XXYLT1: variants seen among roughly 807,000 people sequenced by gnomAD.
XXYLT1 encodes the protein UDP-xylose:alpha-xyloside alpha-1,3-xylosyltransferase.
In XXYLT1, 20 loss-of-function variants were observed where a neutral mutation model predicts 28.9. The observed-to-expected ratio is 0.69, with a 90% CI of 0.49 to 1.00. XXYLT1 has a LOEUF of 1.00. XXYLT1 is among the 50% of genes least tolerant of loss of function. XXYLT1 has a pLI of 0.00. For missense variants in XXYLT1, 542 were observed against 560.1 expected, an observed-to-expected ratio of 0.97 and a Z score of 0.33; for synonymous variants, 257 against 253.8, an observed-to-expected ratio of 1.01 and a Z score of -0.12.
Position 195,141,825 on chromosome 3 carries a change from G to A in XXYLT1, c.785+14624C>T, listed in dbSNP as rs115039933. Among the ~76,000 whole-genome samples the A allele has an allele frequency of 7.2e-3, 1,095 of 152,312 alleles. 9 individuals carry two copies. The highest frequency in any genetic ancestry group is 0.025 in the African/African-American group (1,044 of 41,566). Reference sequence around the variant, plus strand: ...AGTTAGACTTTACTTCCCACAGAGGGCTGCTTCCCGCCTAATTGAGCGACT... The same window carrying A: ...AGTTAGACTTTACTTCCCACAGAGGACTGCTTCCCGCCTAATTGAGCGACT... On this transcript the variant is annotated intron_variant, in intron 3 of 3. Coordinates refer to ENST00000310380, the MANE Select transcript of XXYLT1 (RefSeq NM_152531.5).
chr3:195,104,163 A>G (rs1430254323), intron 3 of XXYLT1, among the ~76,000 whole-genome samples: 2 of 151,092 alleles, frequency 1.3e-5, no homozygotes, highest in African/African-American at 4.9e-5. Context: ...GGGAGCACAC[A>G]CCCACTGTGA....
At chr3:195,205,583 C>T (rs1723036668) in intron 2 of XXYLT1, among the ~76,000 whole-genome samples, 1 of 152,180 alleles carries the variant, frequency 6.6e-6, no homozygotes, top group African/African-American at 2.4e-5. Context: ...ACTATCCTGG[C>T]CGGGCACGGT....
intron 3 of XXYLT1, among the ~76,000 whole-genome samples, chr3:195,140,551 G>A (rs535305191): frequency 6.6e-6 from 1 of 152,318 alleles, no homozygotes; most frequent in Non-Finnish European, 1.5e-5. Context: ...TGTACAGGAA[G>A]CATGGCCAGG....
At chr3:195,090,894 A>G (rs1716093717) in intron 3 of XXYLT1, among the ~76,000 whole-genome samples, 1 of 151,702 alleles carries the variant, frequency 6.6e-6, no homozygotes, top group Admixed American at 6.6e-5. Context: ...GAATACTACA[A>G]ACACCTCTAC....
intron 2 of XXYLT1, among the ~76,000 whole-genome samples, chr3:195,197,188 G>C (rs980670141): frequency 6.6e-6 from 1 of 152,236 alleles, no homozygotes. Flanking sequence ...TGTAATCCCA[G>C]CACTTTGGGA....
At chr3:195,181,152 G>A (rs1223123909) in intron 2 of XXYLT1, among the ~76,000 whole-genome samples, 1 of 152,216 alleles carries the variant, frequency 6.6e-6, no homozygotes, top group Non-Finnish European at 1.5e-5. Flanking sequence ...AGAACACTGT[G>A]CTTCTCCTGA....
rs564493888 is a variant in XXYLT1, at chr3:195,113,575, G to A, written c.785+42874C>T. ...CAGGCAGTGTGAACCCAGCACTCACGGTCTTTTTTGTTAGAATCCTTTTTC... is the reference window on the plus strand; with the variant it reads ...CAGGCAGTGTGAACCCAGCACTCACAGTCTTTTTTGTTAGAATCCTTTTTC... On this transcript the variant is annotated intron_variant, in intron 3 of 3. Coordinates refer to ENST00000310380, the MANE Select transcript of XXYLT1 (RefSeq NM_152531.5). Among the ~76,000 whole-genome samples, 66 of 152,254 alleles carry A rather than the reference G, an allele frequency of 4.3e-4. No homozygotes were observed. The South Asian group carries it at 0.013, about 30-fold the overall frequency.
chr3:195,149,396 T>C (rs1446248487), intron 3 of XXYLT1, among the ~76,000 whole-genome samples: 2 of 152,150 alleles, frequency 1.3e-5, no homozygotes, highest in Non-Finnish European at 1.5e-5. Context: ...AACATCTCCA[T>C]GGGCCAGGAA....
At chr3:195,265,203 C>G (rs1217067244) in intron 1 of XXYLT1, among the ~76,000 whole-genome samples, 1 of 152,022 alleles carries the variant, frequency 6.6e-6, no homozygotes, top group Non-Finnish European at 1.5e-5. Context: ...AACGCCATCT[C>G]TGCTAAAAAT....
rs1441015480 is a variant in XXYLT1, at chr3:195,210,694, G to A, written c.652+16015C>T. Among the ~76,000 whole-genome samples the A allele has an allele frequency of 6.6e-6, 1 of 152,204 alleles. No individual in the cohort carries two copies. The highest frequency in any genetic ancestry group is 2.4e-5 in the African/African-American group (1 of 41,452). On this transcript the variant is annotated intron_variant, in intron 2 of 3. Coordinates refer to ENST00000310380, the MANE Select transcript of XXYLT1 (RefSeq NM_152531.5). The surrounding 1 kb of genome is among the most constrained non-coding windows in gnomAD (Gnocchi z 4.8). Reference sequence around the variant, plus strand: ...TAGCATTTTATGACAAATTTGCTCAGCTGTCCCTCTTCAGAATAAGAGAAC... The same window carrying A: ...TAGCATTTTATGACAAATTTGCTCAACTGTCCCTCTTCAGAATAAGAGAAC...
chr3:195,197,351 C>T (rs1279069451), intron 2 of XXYLT1, among the ~76,000 whole-genome samples: 1 of 151,456 alleles, frequency 6.6e-6, no homozygotes, highest in Non-Finnish European at 1.5e-5. Flanking sequence ...GCACAAGAGT[C>T]ACTTGAACCT....
At position 195,069,041 on chromosome 3, in the gene XXYLT1, G is replaced by A. The variant is rs1318820776; in HGVS notation, c.*674C>T. The A allele has an allele frequency of 1.3e-5, 2 of 152,220 alleles. No homozygotes were observed. The highest frequency in any genetic ancestry group is 2.4e-5 in the African/African-American group (1 of 41,444). The allele number at this position is 152,220 out of a possible 1,614,324, so 9.4% of individuals were successfully genotyped here. On this transcript the variant is annotated 3_prime_UTR_variant, in exon 4 of 4. Coordinates refer to ENST00000310380, the MANE Select transcript of XXYLT1 (RefSeq NM_152531.5). ...AAGGACAATGGGGTTCTAGGATGTA[G>A]CTGGGAGATACAAGCTGTGAGTACT...
At chr3:195,166,017 GA>G (rs1216786238) in intron 2 of XXYLT1, among the ~76,000 whole-genome samples, 4 of 151,924 alleles carry the variant, frequency 2.6e-5, no homozygotes, top group African/African-American at 9.7e-5. Flanking sequence ...CTCCTGTTAT[GA>G]GTCTGATAAG....
intron 3 of XXYLT1, among the ~76,000 whole-genome samples, chr3:195,119,500 C>T (rs1488773139): frequency 6.6e-6 from 1 of 152,010 alleles, no homozygotes; most frequent in East Asian, 1.9e-4. Flanking sequence ...AGCCACTTTT[C>T]CCAACAAGAA....
intron 3 of XXYLT1, among the ~76,000 whole-genome samples, chr3:195,106,642 CCGCAGAGCGGGAGGGG>C (rs1717110416): frequency 6.6e-6 from 1 of 152,232 alleles, no homozygotes; most frequent in African/African-American, 2.4e-5. Context: ...GCAGGGAGGG[CCGCAGAGCGGGAGGGG>C]CCTGGGGCGC....
rs2108721369 is a variant in XXYLT1 at position 195,173,559 on chromosome 3, A to T, written c.653-16978T>A. 6.6e-6 allele frequency among the ~76,000 whole-genome samples: 1 copy of T among 152,334 alleles called. No individual in the cohort carries two copies. Among genetic ancestry groups the T allele is most frequent in the South Asian group, 2.1e-4 (1 of 4,828 alleles). On this transcript the variant is annotated intron_variant, in intron 2 of 3. Transcript: ENST00000310380. The surrounding 1 kb of genome is among the most constrained non-coding windows in gnomAD (Gnocchi z 4.3). ...TCGTATGCTCCTAATGACTAAAAGCATCATTTTAAAGACCTTTCATTTTCC... is the reference window on the plus strand; with the variant it reads ...TCGTATGCTCCTAATGACTAAAAGCTTCATTTTAAAGACCTTTCATTTTCC...
intron 2 of XXYLT1, among the ~76,000 whole-genome samples, chr3:195,211,460 A>G (rs995050777): frequency 1.3e-5 from 2 of 152,220 alleles, no homozygotes; most frequent in Non-Finnish European, 2.9e-5. Flanking sequence ...AAAATAAAGT[A>G]GTTCAAGATA....
chr3:195,230,885 A>G (rs780743902), intron 1 of XXYLT1, among the ~76,000 whole-genome samples: 3 of 152,116 alleles, frequency 2.0e-5, no homozygotes, highest in Non-Finnish European at 4.4e-5. Flanking sequence ...TTCCATATAA[A>G]TTTTAGGATT....
intron 2 of XXYLT1, among the ~76,000 whole-genome samples, chr3:195,177,054 G>T (rs975111680): frequency 6.6e-6 from 1 of 152,238 alleles, no homozygotes; most frequent in African/African-American, 2.4e-5. Context: ...CAGGGAAAGG[G>T]AAGGGTGCTA....
Sources: allele counts gnomAD v4.1 joint callset (sites outside exome capture counted in the v4.1 genomes callset), GRCh38; gene constraint gnomAD v4.1.1; non-coding constraint Gnocchi (gnomAD v3.1); transcripts MANE v1.5; gene names NCBI Gene and HGNC (gene_info 2026-07-23, HGNC 2026-07-21).